The following DDX10 variants were observed in gnomAD, a reference collection of about 807,000 sequenced individuals.
DDX10 encodes the protein probable ATP-dependent RNA helicase DDX10.
In DDX10, 74 loss-of-function variants were observed where a neutral mutation model predicts 104.3. That is an observed-to-expected ratio of 0.71 (90% confidence interval 0.59 to 0.86). The LOEUF is 0.86. Ranked by LOEUF, DDX10 falls within the 40% of genes least tolerant of loss-of-function variation. The probability of loss-of-function intolerance (pLI) is 0.00; values close to 1 mark genes in which losing one functional copy is unlikely to be tolerated. For synonymous variants in DDX10, 351 were observed against 353.4 expected (o/e 0.99, Z 0.08); for missense variants, 952 against 1,040.0 (o/e 0.92, Z 1.16).
chr11:108,874,174 C>T (rs551065782), intron 16 of DDX10, among the ~76,000 whole-genome samples: 59 of 151,820 alleles, frequency 3.9e-4, no homozygotes, highest in Middle Eastern at 3.2e-3. Context: ...ACTGGACTTA[C>T]GGGAAAAAAA....
chr11:108,854,070 G>T (rs1007064697), intron 16 of DDX10, among the ~76,000 whole-genome samples: 6 of 152,194 alleles, frequency 3.9e-5, no homozygotes, highest in Admixed American at 2.6e-4. Flanking sequence ...TCTGCAGCCA[G>T]GACTCAAACA....
chr11:108,799,309 C>T (rs1008738030), intron 13 of DDX10, among the ~76,000 whole-genome samples: 1 of 152,192 alleles, frequency 6.6e-6, no homozygotes, highest in Non-Finnish European at 1.5e-5. Context: ...ACTTTCACCC[C>T]TCCCTGCATC....
intron 13 of DDX10, among the ~76,000 whole-genome samples, chr11:108,732,979 C>G (rs1174526848): frequency 6.6e-6 from 1 of 152,056 alleles, no homozygotes; most frequent in Admixed American, 6.6e-5. Flanking sequence ...TTTAGCTCAA[C>G]AAATGTCCTT....
intron 13 of DDX10, among the ~76,000 whole-genome samples, chr11:108,736,287 A>G (rs2094318286): frequency 6.6e-6 from 1 of 151,504 alleles, no homozygotes; most frequent in Non-Finnish European, 1.5e-5. Flanking sequence ...CCATAAAATT[A>G]TACAGTGTTG....
intron 13 of DDX10, among the ~76,000 whole-genome samples, chr11:108,777,582 T>C (rs2726881): frequency 0.89 from 135,655 of 152,234 alleles, 60,677 homozygotes; most frequent in East Asian, 0.99. Context: ...TTCAGCCTCC[T>C]GAAGTGCTGG....
At position 108,936,863 on chromosome 11, in the gene DDX10, G is replaced by A. The variant is rs1028991846; in HGVS notation, c.2451-3383G>A. On this transcript the variant is annotated intron_variant, in intron 17 of 17. Coordinates refer to ENST00000322536, the MANE Select transcript of DDX10 (RefSeq NM_004398.4). Reference sequence around the variant, plus strand: ...ATATATATTTTAAAGATTTTTGAAGGGTACTGCCAAAATGCCCTCAAGAAA... The same window carrying A: ...ATATATATTTTAAAGATTTTTGAAGAGTACTGCCAAAATGCCCTCAAGAAA... Among the ~76,000 whole-genome samples the A allele has an allele frequency of 3.9e-5, 6 of 152,184 alleles. No individual in the cohort carries two copies. In the South Asian group the frequency reaches 1.2e-3, roughly 32 times the overall value.
chr11:108,859,311 G>A (rs1325152462), intron 16 of DDX10, among the ~76,000 whole-genome samples: 2 of 152,226 alleles, frequency 1.3e-5, no homozygotes, highest in Non-Finnish European at 2.9e-5. Flanking sequence ...ATGTCAGAAT[G>A]TGTTTATTCT....
At chr11:108,803,108 TCA>T (rs372138544) in intron 13 of DDX10, among the ~76,000 whole-genome samples, 25 of 152,244 alleles carry the variant, frequency 1.6e-4, no homozygotes, top group African/African-American at 5.1e-4. Context: ...GCTGCTTATT[TCA>T]CAGTTTCTTT....
intron 13 of DDX10, among the ~76,000 whole-genome samples, chr11:108,778,566 T>C (rs1194436482): frequency 6.6e-5 from 10 of 152,192 alleles, no homozygotes; most frequent in African/African-American, 1.2e-4. Flanking sequence ...AAGACTTAAA[T>C]ATTAGACCTA....
intron 13 of DDX10, among the ~76,000 whole-genome samples, chr11:108,802,010 G>GGTGTGTGTGT (rs111450290): frequency 1.6e-3 from 232 of 142,050 alleles, no homozygotes; most frequent in Middle Eastern, 3.6e-3. Flanking sequence ...AAGTGAGTGG[G>GGTGTGTGTGT]GTGTGTGTGT....
chr11:108,883,423 G>A (rs891332233), intron 16 of DDX10, among the ~76,000 whole-genome samples: 4 of 152,120 alleles, frequency 2.6e-5, no homozygotes. Context: ...CTATTTGGTT[G>A]CTGGATCCCA....
chr11:108,755,993 C>G (rs1016721288), intron 13 of DDX10, among the ~76,000 whole-genome samples: 1 of 148,628 alleles, frequency 6.7e-6, no homozygotes, highest in Non-Finnish European at 1.5e-5. Flanking sequence ...TTCCCTCTTT[C>G]CCTCTTTTTC....
chr11:108,935,397 A>G (rs1864024198), intron 17 of DDX10, among the ~76,000 whole-genome samples: 1 of 152,158 alleles, frequency 6.6e-6, no homozygotes, highest in Non-Finnish European at 1.5e-5. Flanking sequence ...GAGACTCTTT[A>G]AAGATTATAC....
chr11:108,826,202 A>T (rs1184573943), intron 13 of DDX10, among the ~76,000 whole-genome samples: 1 of 152,196 alleles, frequency 6.6e-6, no homozygotes, highest in Non-Finnish European at 1.5e-5. Context: ...TTAAAAACAT[A>T]GACTAATGGT....
chr11:108,810,089 C>T (rs1591824196), intron 13 of DDX10, among the ~76,000 whole-genome samples: 2 of 152,010 alleles, frequency 1.3e-5, no homozygotes, highest in African/African-American at 2.4e-5. Context: ...TGTCTGGGAG[C>T]GTGAGTTAAG....
At chr11:108,778,469 G>C (rs1219652731) in intron 13 of DDX10, among the ~76,000 whole-genome samples, 1 of 152,196 alleles carries the variant, frequency 6.6e-6, no homozygotes, top group South Asian at 2.1e-4. Flanking sequence ...AATAAATGGT[G>C]CTGGGAAAAC....
chr11:108,811,673 C>A (rs1252711386), intron 13 of DDX10, among the ~76,000 whole-genome samples: 3 of 152,052 alleles, frequency 2.0e-5, no homozygotes, highest in Non-Finnish European at 4.4e-5. Context: ...AAGTGGTCAT[C>A]CAACATGCTT....
At position 108,723,072 on chromosome 11, in the gene DDX10, A is replaced by G. The variant is rs751852806; in HGVS notation, c.1575A>G (p.Val525=). 22 of 1,613,586 alleles carry G rather than the reference A, an allele frequency of 1.4e-5. No homozygotes were observed. ...KMQKQPTKEL[V]RSQADKVIEP... is the part of the protein sequence containing the mutation. ...AGAAACAACCCACCAAAGAATTGGT[A>G]AGGAGCCAAGCCGATAAAGTAATTG... is the stretch of plus-strand genomic sequence containing the variant. Residue 525 remains valine, a synonymous_variant, in exon 13 of 18, where the codon GTA becomes GTG. Coordinates refer to ENST00000322536, the MANE Select transcript of DDX10 (RefSeq NM_004398.4).
chr11:108,871,398 A>C (rs371601531), intron 16 of DDX10, among the ~76,000 whole-genome samples: 10 of 152,308 alleles, frequency 6.6e-5, no homozygotes, highest in African/African-American at 2.4e-4. Context: ...TGGAACACAT[A>C]AGCTCCTGCT....
Sources: allele counts gnomAD v4.1 joint callset (sites outside exome capture counted in the v4.1 genomes callset), GRCh38; gene constraint gnomAD v4.1.1; transcripts MANE v1.5; gene names NCBI Gene and HGNC (gene_info 2026-07-23, HGNC 2026-07-21).